The following ROBO2 variants were observed in gnomAD, a reference collection of about 807,000 sequenced individuals.
ROBO2 encodes the protein roundabout guidance receptor 2.
Under a neutral mutation model 160.8 loss-of-function variants are expected in ROBO2, and 53 were observed. The observed-to-expected ratio is 0.33, with a 90% CI of 0.26 to 0.41. ROBO2 has a LOEUF of 0.41. Among genes scored for constraint, ROBO2 ranks in the 10% least tolerant of loss-of-function variants. The pLI, the probability that ROBO2 is intolerant of heterozygous loss-of-function variation, is 1.00. For missense variants in ROBO2, 1,577 were observed against 1,722.4 expected (o/e 0.92, Z 1.49); for synonymous variants, 664 against 611.7 (o/e 1.09, Z -1.26).
chr3:76,769,198 C>T (rs537618715), intron 2 of ROBO2, among the ~76,000 whole-genome samples: 53 of 151,498 alleles, frequency 3.5e-4, no homozygotes, highest in African/African-American at 1.2e-3. Context: ...GATCTGGCGA[C>T]ACTTGTTAAA....
At chr3:75,922,005 C>T (rs2106838979) in intron 1 of ROBO2, among the ~76,000 whole-genome samples, 1 of 152,236 alleles carries the variant, frequency 6.6e-6, no homozygotes, top group East Asian at 1.9e-4. Flanking sequence ...TTCTTCCATC[C>T]ACCCTTTTAC....
intron 1 of ROBO2, among the ~76,000 whole-genome samples, chr3:77,091,744 C>T (rs1380861893): frequency 2.0e-5 from 3 of 151,858 alleles, no homozygotes; most frequent in African/African-American, 7.3e-5. Context: ...TTCTGGAGGC[C>T]GAAGCAGGAG....
chr3:77,146,436 T>A (rs2077127425), intron 2 of ROBO2, among the ~76,000 whole-genome samples: 1 of 152,116 alleles, frequency 6.6e-6, no homozygotes, highest in Non-Finnish European at 1.5e-5. Flanking sequence ...TTTTCCCCTT[T>A]TAAAGTTGAA....
chr3:76,141,151 CTCTCTCTCTATATATATA>C (rs1301419204), intron 2 of ROBO2, among the ~76,000 whole-genome samples: 4 of 44,266 alleles, frequency 9.0e-5, no homozygotes, highest in African/African-American at 4.1e-4. Flanking sequence ...CTCTCTCTCT[CTCTCTCTCTATATATATA>C]TATATATATA....
chr3:76,727,595 A>G (rs1168441035), intron 2 of ROBO2, among the ~76,000 whole-genome samples: 4 of 152,202 alleles, frequency 2.6e-5, no homozygotes, highest in Admixed American at 6.6e-5. Context: ...GGTATTTCCA[A>G]CAAGGCGCAT....
rs1467760336 is a variant in ROBO2 at position 77,580,761 on chromosome 3, A to T, written c.2500+643A>T. Reference sequence around the variant, plus strand: ...TTTATATGTTTTACTGCTGAGCAGTATTCAATTGTATGAATATGCCATATT... The same window carrying T: ...TTTATATGTTTTACTGCTGAGCAGTTTTCAATTGTATGAATATGCCATATT... On this transcript the variant is annotated intron_variant, in intron 16 of 25. Coordinates refer to ENST00000461745, the Ensembl canonical transcript of ROBO2. 2.0e-5 allele frequency among the ~76,000 whole-genome samples: 3 copies of T among 152,280 alleles called. No individual in the cohort carries two copies. In the East Asian group the frequency reaches 5.8e-4, roughly 29 times the overall value.
chr3:76,254,255 T>C (rs1244223542), intron 2 of ROBO2, among the ~76,000 whole-genome samples: 1 of 152,108 alleles, frequency 6.6e-6, no homozygotes, highest in South Asian at 2.1e-4. Flanking sequence ...TTTCTATTAG[T>C]GTATTATAAA....
At chr3:76,509,097 T>C (rs2080948150) in intron 2 of ROBO2, among the ~76,000 whole-genome samples, 1 of 152,184 alleles carries the variant, frequency 6.6e-6, no homozygotes, top group Non-Finnish European at 1.5e-5. Context: ...TTGTCTCTAA[T>C]AAGATTACTA....
At chr3:76,627,909 C>T (rs903749122) in intron 2 of ROBO2, among the ~76,000 whole-genome samples, 2 of 151,702 alleles carry the variant, frequency 1.3e-5, no homozygotes, top group East Asian at 1.9e-4. Context: ...TGAATTTTGG[C>T]CATAATCCTA....
intron 2 of ROBO2, among the ~76,000 whole-genome samples, chr3:75,973,888 G>T (rs998327498): frequency 6.6e-6 from 1 of 151,292 alleles, no homozygotes; most frequent in Non-Finnish European, 1.5e-5. Context: ...ATTACCCAGG[G>T]TTAGAAAAAA....
intron 4 of ROBO2, among the ~76,000 whole-genome samples, chr3:77,490,408 G>C (rs1427208909): frequency 1.3e-5 from 2 of 152,078 alleles, no homozygotes; most frequent in Non-Finnish European, 2.9e-5. Flanking sequence ...ACTTTTAAGA[G>C]AATTTTGGCA....
intron 2 of ROBO2, among the ~76,000 whole-genome samples, chr3:76,251,319 T>C (rs1705983934): frequency 6.6e-6 from 1 of 151,526 alleles, no homozygotes; most frequent in African/African-American, 2.4e-5. Flanking sequence ...AGACGTGAAA[T>C]GAAAGAGCCA....
At chr3:75,937,299 G>A (rs546751025) in intron 1 of ROBO2, among the ~76,000 whole-genome samples, 1 of 152,100 alleles carries the variant, frequency 6.6e-6, no homozygotes, top group South Asian at 2.1e-4. Context: ...AGATGAATGA[G>A]CTTTCATATT....
intron 2 of ROBO2, among the ~76,000 whole-genome samples, chr3:75,956,612 A>G (rs1948730639): frequency 1.3e-5 from 2 of 151,740 alleles, no homozygotes; most frequent in African/African-American, 2.4e-5. Flanking sequence ...GCCTGGAAAT[A>G]TCAATCACTG....
chr3:76,303,263 A>G (rs891307211), intron 2 of ROBO2, among the ~76,000 whole-genome samples: 3 of 152,160 alleles, frequency 2.0e-5, no homozygotes, highest in African/African-American at 7.2e-5. Flanking sequence ...TAGGTTAACT[A>G]TGTGTTAACA....
At chr3:76,253,262 G>A (rs924036) in intron 2 of ROBO2, among the ~76,000 whole-genome samples, 137,947 of 151,954 alleles carry the variant, frequency 0.91, 62,821 homozygotes, top group Middle Eastern at 0.98. Context: ...ACTTTAAAAA[G>A]TTATGTTTAT....
intron 2 of ROBO2, among the ~76,000 whole-genome samples, chr3:77,027,830 T>C (rs963585281): frequency 1.3e-5 from 2 of 152,098 alleles, no homozygotes; most frequent in Non-Finnish European, 2.9e-5. Flanking sequence ...GGCTGGAAAG[T>C]TCTGTAGTGT....
intron 2 of ROBO2, among the ~76,000 whole-genome samples, chr3:76,196,359 C>T (rs778635569): frequency 1.3e-5 from 2 of 151,900 alleles, no homozygotes; most frequent in Non-Finnish European, 2.9e-5. Context: ...TCCTATTTTC[C>T]CCGATGTATA....
At chr3:76,326,165 G>A (rs567385993) in intron 2 of ROBO2, among the ~76,000 whole-genome samples, 2 of 152,220 alleles carry the variant, frequency 1.3e-5, no homozygotes, top group Non-Finnish European at 1.5e-5. Context: ...ATAGCGTGTT[G>A]GCAGAGGTTA....
Sources: gnomAD v4.1 joint callset for allele counts (sites outside exome capture counted in the v4.1 genomes callset) on GRCh38, gnomAD v4.1.1 for gene constraint, MANE v1.5 for transcripts, NCBI Gene and HGNC (gene_info 2026-07-23, HGNC 2026-07-21) for gene names.